Variants in RIBC1 observed in about 807,000 individuals in gnomAD.
RIBC1 encodes RIB43A domain with coiled-coils 1.
Under a neutral mutation model 33.7 loss-of-function variants are expected in RIBC1, and 12 were observed. The ratio of observed to expected loss-of-function variants is 0.36; its 90% confidence interval spans 0.23 to 0.58. RIBC1 has a LOEUF of 0.58. Ranked by LOEUF, RIBC1 falls within the 20% of genes least tolerant of loss-of-function variation. The probability of loss-of-function intolerance (pLI) is 0.81; values close to 1 mark genes in which losing one functional copy is unlikely to be tolerated. For missense variants in RIBC1, 242 were observed against 311.6 expected, an observed-to-expected ratio of 0.78 and a Z score of 1.68; for synonymous variants, 89 against 109.0, an observed-to-expected ratio of 0.82 and a Z score of 1.14.
At chrX:53,428,665 C>A in intron 5 of RIBC1, 38 bp downstream of exon 5, 1 of 1,203,434 alleles carries the variant, frequency 8.3e-7, no homozygotes. Flanking sequence ...AGACCTGAGG[C>A]CTAGTGGGGA....
At chrX:53,428,975 G>A in intron 5 of RIBC1, 1 of 345,555 alleles carries the variant, frequency 2.9e-6, no homozygotes, top group Non-Finnish European at 4.3e-6. Context: ...ACCACATAGA[G>A]TAGCTACTAT....
At chrX:53,427,403 G>A (rs915854198) in intron 3 of RIBC1, among the ~76,000 whole-genome samples, 14 of 112,123 alleles carry the variant, frequency 1.2e-4, no homozygotes, top group African/African-American at 4.2e-4. Flanking sequence ...AAGTTGGCTA[G>A]GGTATTAGTG....
intron 3 of RIBC1, 90 bp from the exon 4 acceptor site, chrX:53,427,913 A>G: frequency 2.7e-6 from 2 of 751,477 alleles, no homozygotes; most frequent in Non-Finnish European, 4.1e-6. Flanking sequence ...CAGGATTCTG[A>G]AACAGGTAAA....
In RIBC1 at chrX:53,430,943, A is replaced by G. The variant is rs146428875; in HGVS notation, c.1095A>G (p.Gln365=). Residue 365 remains glutamine (Q), a synonymous_variant, in exon 8 of 8, where the codon CAA becomes CAG. Transcript: ENST00000375327. The part of the protein sequence containing the change: ...DYLNSVIYTN[Q]PTAQYHQQFN... ...TGAATTCAGTAATCTACACCAATCA[A>G]CCTACAGCCCAGTATCACCAGCAGT... 5.9e-5 allele frequency: 71 copies of G among 1,209,278 alleles called. 1 individual carries two copies. The African/African-American group carries it at 1.1e-3, about 19-fold the overall frequency.
intron 5 of RIBC1, 174 bp downstream of exon 5, chrX:53,428,801 T>C: frequency 2.7e-6 from 3 of 1,092,837 alleles, no homozygotes; most frequent in Non-Finnish European, 3.6e-6. Context: ...CTTCAGTAAC[T>C]GACAGTGTAG....
At position 53,430,979 on chromosome X, in the gene RIBC1, C is replaced by T; in HGVS notation, c.1131C>T (p.Ser377=). The change falls in exon 8 of 8, where the codon AGC becomes AGT. Residue 377 remains serine, a synonymous_variant. Coordinates refer to ENST00000375327, the MANE Select transcript of RIBC1 (RefSeq NM_001031745.5). ...AGTATCACCAGCAGTTTAACACCAG[C>T]AGCCGCTAAGTTCAGGATGTCTATC... is the stretch of plus-strand genomic sequence containing the variant. ...TAQYHQQFNT[S]SR is the part of the protein sequence containing the mutation. 1 of 1,211,233 alleles carries T rather than the reference C, an allele frequency of 8.3e-7. No individual in the cohort carries two copies. The highest frequency in any genetic ancestry group is 1.1e-6 in the Non-Finnish European group (1 of 894,959).
At chrX:53,427,935 T>C in intron 3 of RIBC1, 68 bp from the exon 4 acceptor site, 1 of 889,926 alleles carries the variant, frequency 1.1e-6, no homozygotes, top group Non-Finnish European at 1.6e-6. Flanking sequence ...TCTAATTAGT[T>C]TGTGGTAGGA....
At chrX:53,426,437 C>T (rs1556893241) in intron 3 of RIBC1, 44 bp downstream of exon 3, 9 of 834,506 alleles carry the variant, frequency 1.1e-5, no homozygotes, top group South Asian at 2.2e-5. Flanking sequence ...AGGGCCACCT[C>T]ACTCTTACAC....
chrX:53,425,824 G>A (rs1281712251), intron 2 of RIBC1, among the ~76,000 whole-genome samples: 1 of 112,360 alleles, frequency 8.9e-6, no homozygotes, highest in Non-Finnish European at 1.9e-5. Flanking sequence ...AAAAAGGAGT[G>A]TTGTAGATGT....
Position 53,428,527 on chromosome X carries a change from C to T in RIBC1, c.444C>T (p.Asp148=). 8.3e-7 allele frequency: 1 copy of T among 1,209,528 alleles called. No homozygotes were observed. Among genetic ancestry groups the T allele is most frequent in the East Asian group, 3.0e-5 (1 of 33,830 alleles). ...AGTACTTCTCTGGGGAAGACCTAGA[C>T]AGGGACACACGGCTGAGAATGCAGC... ...SLQYFSGEDL[D]RDTRLRMQQG... is the part of the protein sequence containing the mutation. The change falls in exon 5 of 8, where the codon GAC becomes GAT. Residue 148 remains aspartate, a synonymous_variant. Coordinates refer to ENST00000375327, the MANE Select transcript of RIBC1 (RefSeq NM_001031745.5).
intron 1 of RIBC1, 101 bp from the exon 2 acceptor site, chrX:53,423,212 TG>T (rs1235989601): frequency 7.2e-6 from 1 of 138,476 alleles, no homozygotes; most frequent in African/African-American, 3.2e-5. Context: ...GGGTTGTGAA[TG>T]GGACTGGGGC....
chrX:53,429,640 G>A, intron 5 of RIBC1: 5 of 998,565 alleles, frequency 5.0e-6, no homozygotes, highest in Non-Finnish European at 6.4e-6. Flanking sequence ...ACTGACATTG[G>A]GACCCAGGTC....
At chrX:53,426,155 G>A in intron 2 of RIBC1, 122 bp from the exon 3 acceptor site, 2 of 493,052 alleles carry the variant, frequency 4.1e-6, no homozygotes, top group Admixed American at 6.3e-5. Context: ...AATATATCAG[G>A]AAGTAAAATC....
Position 53,428,672 on chromosome X carries a change from G to A in RIBC1, c.544+45G>A, listed in dbSNP as rs782639446. On this transcript the variant is annotated intron_variant, in intron 5 of 7. Coordinates refer to ENST00000375327, the MANE Select transcript of RIBC1 (RefSeq NM_001031745.5). Reference sequence around the variant, plus strand: ...AGACTCAGAGACCTGAGGCCTAGTGGGGATCTGTCCTAAGCTGAGTACAGC... The same window carrying A: ...AGACTCAGAGACCTGAGGCCTAGTGAGGATCTGTCCTAAGCTGAGTACAGC... 7 of 1,202,747 alleles carry A rather than the reference G, an allele frequency of 5.8e-6. No individual in the cohort carries two copies. In the East Asian group the frequency reaches 2.1e-4, roughly 36 times the overall value.
intron 3 of RIBC1, among the ~76,000 whole-genome samples, chrX:53,427,041 G>C (rs868910935): frequency 1.8e-5 from 2 of 112,323 alleles, no homozygotes; most frequent in African/African-American, 3.2e-5. Flanking sequence ...AACTTAACCA[G>C]GCTGAGAGAC....
At position 53,423,131 on chromosome X, in the gene RIBC1, A is replaced by G. The variant is rs782743652; in HGVS notation, c.-90+127A>G. 7 of 170,634 alleles carry G rather than the reference A, an allele frequency of 4.1e-5. No individual in the cohort carries two copies. The East Asian group carries it at 9.7e-4, about 24-fold the overall frequency. 14.1% of individuals were successfully genotyped at this position (170,634 alleles called of 1,213,427 possible). On this transcript the variant is annotated intron_variant, in intron 1 of 7. Coordinates refer to ENST00000375327, the MANE Select transcript of RIBC1 (RefSeq NM_001031745.5). Reference sequence around the variant, plus strand: ...GAAGGAGGGGCCAACGGGAGGATTCAGTGTTAGGTGAGCTCAGACTTTGCT... The same window carrying G: ...GAAGGAGGGGCCAACGGGAGGATTCGGTGTTAGGTGAGCTCAGACTTTGCT...
intron 2 of RIBC1, 62 bp from the exon 3 acceptor site, chrX:53,426,215 T>C: frequency 3.0e-6 from 2 of 666,866 alleles, no homozygotes; most frequent in Non-Finnish European, 4.9e-6. Context: ...GGAATGGGGG[T>C]GGCGTGTAGT....
rs782000884 is a variant in RIBC1, at chrX:53,429,506, AGG to A, written c.545-346_545-345del. On this transcript the variant is annotated intron_variant, in intron 5 of 7. Coordinates refer to ENST00000375327, the MANE Select transcript of RIBC1 (RefSeq NM_001031745.5). ...GTTTGATCTGTGTCCCCAACTAGACAGGGAGTTCTCTGAGGACAGGATTTAAT... is the reference window on the plus strand; with the variant it reads ...GTTTGATCTGTGTCCCCAACTAGACAGAGTTCTCTGAGGACAGGATTTAAT... 3 of 195,623 alleles carry A rather than the reference AGG, an allele frequency of 1.5e-5. No homozygotes were observed. In the South Asian group the frequency reaches 5.1e-4, roughly 33 times the overall value. 16.1% of individuals were successfully genotyped at this position (195,623 alleles called of 1,213,427 possible). A position where few individuals can be genotyped will look rare whatever the true frequency, so the allele number is the denominator to read the frequency against.
chrX:53,426,494 T>G lies in RIBC1; in HGVS notation c.117+101T>G, dbSNP rs1481723381. On this transcript the variant is annotated intron_variant, in intron 3 of 7. Transcript: ENST00000375327. ...TGCCCATGATAGCCCTTCCCCTGATTCAAGTAGGCCCCTAGGGCAGGAAAG... is the reference window on the plus strand; with the variant it reads ...TGCCCATGATAGCCCTTCCCCTGATGCAAGTAGGCCCCTAGGGCAGGAAAG... 18 of 571,578 alleles carry G rather than the reference T, an allele frequency of 3.1e-5. No individual in the cohort carries two copies. The East Asian group carries it at 6.6e-4, about 21-fold the overall frequency. The allele number at this position is 571,578 out of a possible 1,213,427, so 47.1% of individuals were successfully genotyped here.
Sources: allele counts gnomAD v4.1 joint callset (sites outside exome capture counted in the v4.1 genomes callset), GRCh38; gene constraint gnomAD v4.1.1; transcripts MANE v1.5; gene names NCBI Gene and HGNC (gene_info 2026-07-23, HGNC 2026-07-21).